PRORP: variants seen among roughly 807,000 people sequenced by gnomAD.
PRORP encodes mitochondrial ribonuclease P catalytic subunit.
PRORP carries 51 observed loss-of-function variants against 59.4 expected under a neutral mutation model. The ratio of observed to expected loss-of-function variants is 0.86; its 90% CI spans 0.69 to 1.08. PRORP has a LOEUF of 1.08. Among genes scored for constraint, PRORP ranks in the 50% least tolerant of loss-of-function variants. PRORP has a pLI of 0.00. For synonymous variants in PRORP, 231 were observed against 245.6 expected (o/e 0.94, Z 0.55); for missense variants, 646 against 690.3 (o/e 0.94, Z 0.72).
chr14:35,179,675 G>A (rs193146697), intron 4 of PRORP, among the ~76,000 whole-genome samples: 2 of 152,238 alleles, frequency 1.3e-5, no homozygotes, highest in East Asian at 3.9e-4. Flanking sequence ...TCTTTGCAAT[G>A]GGTTCGAACT....
At chr14:35,222,246 A>G (rs2049806006) in intron 5 of PRORP, 1 of 152,224 alleles carries the variant, frequency 6.6e-6, no homozygotes, top group Non-Finnish European at 1.5e-5. Flanking sequence ...TTCACCAAGA[A>G]ACAACTGGAA....
chr14:35,181,222 G>GT (rs923479076), intron 5 of PRORP, among the ~76,000 whole-genome samples: 12 of 150,720 alleles, frequency 8.0e-5, no homozygotes, highest in East Asian at 1.9e-4. Context: ...AACCTAAGCA[G>GT]TTTTTTTTTC....
At chr14:35,162,473 G>C (rs1027908224) in intron 4 of PRORP, among the ~76,000 whole-genome samples, 1 of 151,986 alleles carries the variant, frequency 6.6e-6, no homozygotes, top group Non-Finnish European at 1.5e-5. Context: ...ATTTTCATAG[G>C]TTTAAGAGGC....
chr14:35,152,250 T>C (rs896911380), intron 4 of PRORP, among the ~76,000 whole-genome samples: 1 of 152,214 alleles, frequency 6.6e-6, no homozygotes, highest in African/African-American at 2.4e-5. Context: ...GGGTTGGGGA[T>C]AAGGTCATAG....
chr14:35,168,251 G>T (rs913430947), intron 4 of PRORP, among the ~76,000 whole-genome samples: 1 of 152,136 alleles, frequency 6.6e-6, no homozygotes, highest in Non-Finnish European at 1.5e-5. Flanking sequence ...GGAAATTCCA[G>T]TTGCTCCACA....
intron 5 of PRORP, among the ~76,000 whole-genome samples, chr14:35,192,735 T>C (rs556945039): frequency 6.6e-6 from 1 of 152,294 alleles, no homozygotes; most frequent in South Asian, 2.1e-4. Flanking sequence ...ACACCTGTAC[T>C]GTAATCCCAG....
rs759098789 is a variant in PRORP at position 35,270,439 on chromosome 14, A to C, written c.1463A>C (p.His488Pro). The C allele has an allele frequency of 6.2e-7, 1 of 1,613,898 alleles. No individual in the cohort carries two copies. The highest frequency in any genetic ancestry group is 8.5e-7 in the Non-Finnish European group (1 of 1,180,034). ...CCATTCCTTCTGTATGCCACACTGCACTCCGGGAATCACTGCAGGTTTATC... is the reference window on the plus strand; with the variant it reads ...CCATTCCTTCTGTATGCCACACTGCCCTCCGGGAATCACTGCAGGTTTATC... ...DDPFLLYATL[H>P]SGNHCRFITR... is the part of the protein sequence containing the mutation. The change falls in exon 7 of 8, where the codon CAC becomes CCC. Residue 488 changes from histidine (H) to proline (P), a missense_variant. Physicochemically the swap from His to Pro is moderately conservative, Grantham distance 77. Transcript: ENST00000534898.
rs1053256804 is a variant in PRORP, at chr14:35,142,339, A to C, written c.1167+14728A>C. Among the ~76,000 whole-genome samples, 9 of 129,446 alleles carry C rather than the reference A, an allele frequency of 7.0e-5. 1 individual carries two copies. Among genetic ancestry groups the C allele is most frequent in the African/African-American group, 2.4e-4 (9 of 37,174 alleles). The allele number at this position is 129,446 out of a possible 152,430, so 84.9% of individuals were successfully genotyped here. On this transcript the variant is annotated intron_variant, in intron 4 of 7. Transcript: ENST00000534898. ...AGCTCATCCTGTAAATTATAAATTC[A>C]TTGCTTTTTTTTTTTTTTTTTTCCA...
intron 7 of PRORP, among the ~76,000 whole-genome samples, chr14:35,271,708 G>A (rs2051194644): frequency 2.0e-5 from 3 of 152,226 alleles, no homozygotes; most frequent in African/African-American, 2.4e-5. Context: ...CTGGCCCGTG[G>A]TATAATAAAT....
intron 4 of PRORP, among the ~76,000 whole-genome samples, chr14:35,175,052 T>C (rs1386503432): frequency 6.6e-6 from 1 of 152,008 alleles, no homozygotes; most frequent in East Asian, 1.9e-4. Flanking sequence ...TTCATCCATG[T>C]CCTTACAAAG....
At position 35,152,651 on chromosome 14, in the gene PRORP, G is replaced by A. The variant is rs935555036; in HGVS notation, c.1167+25040G>A. On this transcript the variant is annotated intron_variant, in intron 4 of 7. Transcript: ENST00000534898. ...CTCCCAGACAGGGCGGCTGCCTGGCGGAGACGCTCCTCACTTCCCAGACGG... is the reference window on the plus strand; with the variant it reads ...CTCCCAGACAGGGCGGCTGCCTGGCAGAGACGCTCCTCACTTCCCAGACGG... Among the ~76,000 whole-genome samples the A allele has an allele frequency of 9.8e-4, 147 of 150,640 alleles. 1 individual carries two copies. The highest frequency in any genetic ancestry group is 3.3e-3 in the African/African-American group (135 of 40,932).
At chr14:35,183,828 A>G (rs1021432525) in intron 5 of PRORP, among the ~76,000 whole-genome samples, 2 of 152,134 alleles carry the variant, frequency 1.3e-5, no homozygotes, top group Non-Finnish European at 1.5e-5. Context: ...CCCATTTTTT[A>G]GGTCAAACAG....
chr14:35,164,559 C>T (rs1213862547), intron 4 of PRORP, among the ~76,000 whole-genome samples: 1 of 152,132 alleles, frequency 6.6e-6, no homozygotes, highest in Admixed American at 6.6e-5. Flanking sequence ...ACTGCAAGTT[C>T]TTACTTATAA....
intron 4 of PRORP, among the ~76,000 whole-genome samples, chr14:35,135,376 C>T (rs908702986): frequency 6.6e-6 from 1 of 152,140 alleles, no homozygotes; most frequent in Non-Finnish European, 1.5e-5. Context: ...TTGCTCCACC[C>T]CTTCTCCTCT....
intron 4 of PRORP, among the ~76,000 whole-genome samples, chr14:35,157,197 C>T (rs987251999): frequency 1.6e-4 from 25 of 152,048 alleles, no homozygotes; most frequent in Non-Finnish European, 2.9e-4. Flanking sequence ...CCTCGTGATC[C>T]TCCCGCCTCG....
chr14:35,158,276 G>T, intron 4 of PRORP: 1 of 238,494 alleles, frequency 4.2e-6, no homozygotes, highest in Middle Eastern at 1.5e-3. Context: ...TTTCATAGTG[G>T]GCATTTAGTA....
At chr14:35,214,394 A>G (rs1193168557) in intron 5 of PRORP, among the ~76,000 whole-genome samples, 1 of 152,202 alleles carries the variant, frequency 6.6e-6, no homozygotes, top group Non-Finnish European at 1.5e-5. Context: ...GTGTATTCTC[A>G]TATTACGATT....
intron 4 of PRORP, among the ~76,000 whole-genome samples, chr14:35,163,827 A>T (rs1031019011): frequency 1.3e-5 from 2 of 152,236 alleles, no homozygotes; most frequent in East Asian, 3.9e-4. Flanking sequence ...TGGGGACTTA[A>T]CCAAAAATTC....
intron 5 of PRORP, among the ~76,000 whole-genome samples, chr14:35,203,384 C>A (rs1023379648): frequency 6.6e-6 from 1 of 151,902 alleles, no homozygotes; most frequent in Non-Finnish European, 1.5e-5. Flanking sequence ...AAAAATTAGC[C>A]GGTGTGGTGG....
Sources: gnomAD v4.1 joint callset for allele counts (sites outside exome capture counted in the v4.1 genomes callset) on GRCh38, gnomAD v4.1.1 for gene constraint, MANE v1.5 for transcripts, NCBI Gene and HGNC (gene_info 2026-07-23, HGNC 2026-07-21) for gene names.